ERGIC2: variants seen among roughly 807,000 people sequenced by gnomAD.
ERGIC2 encodes endoplasmic reticulum-Golgi intermediate compartment protein 2.
A neutral mutation model predicts 52.5 loss-of-function variants in ERGIC2; 31 were observed. The ratio of observed to expected loss-of-function variants is 0.59; its 90% CI spans 0.44 to 0.80. The LOEUF (loss-of-function observed/expected upper bound fraction) is 0.80, where lower values mean the gene tolerates loss of function less well. Among genes scored for constraint, ERGIC2 ranks in the 30% least tolerant of loss-of-function variants. The probability of loss-of-function intolerance (pLI) is 0.00; values close to 1 mark genes in which losing one functional copy is unlikely to be tolerated. For missense variants in ERGIC2, 395 were observed against 455.2 expected (o/e 0.87, Z 1.20); for synonymous variants, 129 against 140.6 (o/e 0.92, Z 0.58).
intron 12 of ERGIC2, among the ~76,000 whole-genome samples, chr12:29,342,692 T>C (rs1166614379): frequency 1.3e-5 from 2 of 152,234 alleles, no homozygotes; most frequent in East Asian, 1.9e-4. Context: ...TGATTTTACA[T>C]ACTGTACAGT....
At chr12:29,363,821 C>A (rs1419657229) in intron 5 of ERGIC2, among the ~76,000 whole-genome samples, 7 of 134,770 alleles carry the variant, frequency 5.2e-5, no homozygotes, top group Non-Finnish European at 8.0e-5. Flanking sequence ...TAGCATCAGG[C>A]ATCTCATAAA....
At chr12:29,379,553 T>C (rs1940558598) in intron 1 of ERGIC2, among the ~76,000 whole-genome samples, 1 of 152,170 alleles carries the variant, frequency 6.6e-6, no homozygotes, top group African/African-American at 2.4e-5. Context: ...GCAACATTTG[T>C]AACTACAGAT....
At chr12:29,377,303 C>T (rs1940528004) in intron 1 of ERGIC2, among the ~76,000 whole-genome samples, 1 of 152,112 alleles carries the variant, frequency 6.6e-6, no homozygotes, top group African/African-American at 2.4e-5. Context: ...GGAGCTAAGA[C>T]AAGACAGTTG....
intron 7 of ERGIC2, 70 bp from the exon 8 acceptor site, chr12:29,356,547 T>C (rs1018012234): frequency 4.9e-5 from 38 of 781,918 alleles, no homozygotes; most frequent in Non-Finnish European, 7.4e-5. Flanking sequence ...GAAAAATGTG[T>C]ATAGAAAAAA....
At chr12:29,368,720 A>G (rs1019211632) in intron 3 of ERGIC2, among the ~76,000 whole-genome samples, 1 of 151,938 alleles carries the variant, frequency 6.6e-6, no homozygotes, top group Non-Finnish European at 1.5e-5. Context: ...TACAAATATT[A>G]TCTCCTTTAT....
chr12:29,370,864 TA>T (rs1940431450), intron 2 of ERGIC2, among the ~76,000 whole-genome samples: 1 of 152,040 alleles, frequency 6.6e-6, no homozygotes, highest in Non-Finnish European at 1.5e-5. Flanking sequence ...GAAAATCTAT[TA>T]TATACTAAAG....
At position 29,368,307 on chromosome 12, in the gene ERGIC2, A is replaced by C; in HGVS notation, c.216-20T>G. 7.9e-7 allele frequency: 1 copy of C among 1,270,596 alleles called. No individual in the cohort carries two copies. The highest frequency in any genetic ancestry group is 1.5e-5 in the African/African-American group (1 of 67,710). 78.7% of individuals were successfully genotyped at this position (1,270,596 alleles called of 1,614,324 possible). ...AATTTGCTGAAAGACAAAATATTAA[A>C]CATTAGTACCTACCAATTAATTAGC... On this transcript the variant is annotated intron_variant, in intron 3 of 13. Transcript: ENST00000360150.
rs747056885 is a variant in ERGIC2, at chr12:29,381,169, G to T, written c.-92C>A. On this transcript the variant is annotated 5_prime_UTR_variant, in exon 1 of 14. Coordinates refer to ENST00000360150, the MANE Select transcript of ERGIC2 (RefSeq NM_016570.3). ...GTTTCACAGAAGCCCGGGTCGCCGG[G>T]GCTCCCGCGTACCCGGAAATATCGC... is the stretch of plus-strand genomic sequence containing the variant. The T allele has an allele frequency of 1.3e-5, 2 of 152,358 alleles. No homozygotes were observed. The highest frequency in any genetic ancestry group is 3.4e-3 in the Middle Eastern group (1 of 294). 9.4% of individuals were successfully genotyped at this position (152,358 alleles called of 1,614,324 possible).
Position 29,359,600 on chromosome 12 carries a change from T to G in ERGIC2, c.375-1876A>C, listed in dbSNP as rs1940255796. 2.0e-5 allele frequency among the ~76,000 whole-genome samples: 3 copies of G among 152,090 alleles called. No individual in the cohort carries two copies. The South Asian group carries it at 6.2e-4, about 31-fold the overall frequency. Reference sequence around the variant, plus strand: ...AATGAAAGGAGAAATCTCACTTTAATGTTTCTGGATCAAAGTAAAGTATTT... The same window carrying G: ...AATGAAAGGAGAAATCTCACTTTAAGGTTTCTGGATCAAAGTAAAGTATTT... On this transcript the variant is annotated intron_variant, in intron 6 of 13. Transcript: ENST00000360150.
rs2136879089 is a variant in ERGIC2, at chr12:29,371,566, G to A, written c.68C>T (p.Pro23Leu). The A allele has an allele frequency of 2.5e-6, 4 of 1,613,380 alleles. No homozygotes were observed. The highest frequency in any genetic ancestry group is 2.2e-5 in the East Asian group (1 of 44,850). The change falls in exon 2 of 14, where the codon CCT (proline) becomes CTT (leucine). Residue 23 changes from proline to leucine, a missense_variant. Physicochemically the swap from Pro to Leu is moderately conservative, Grantham distance 98. Transcript: ENST00000360150. ...VKELDAFPKV[P>L]ESYVETSASG... Reference sequence around the variant, plus strand: ...GGCTGAAGTCTCTACATAGCTCTCAGGAACCTTCGGAAAGGCATCCAACTC... The same window carrying A: ...GGCTGAAGTCTCTACATAGCTCTCAAGAACCTTCGGAAAGGCATCCAACTC...
At chr12:29,351,864 T>C (rs1269684301) in intron 8 of ERGIC2, among the ~76,000 whole-genome samples, 2 of 152,180 alleles carry the variant, frequency 1.3e-5, no homozygotes, top group Non-Finnish European at 2.9e-5. Flanking sequence ...TTTCTGATCA[T>C]TGCTTTTTTA....
rs180712834 is a variant in ERGIC2, at chr12:29,359,834, C to T, written c.374+1811G>A. Among the ~76,000 whole-genome samples the T allele has an allele frequency of 1.3e-3, 202 of 151,914 alleles. 1 individual carries two copies. The highest frequency in any genetic ancestry group is 1.3e-3 in the Non-Finnish European group (88 of 67,912). On this transcript the variant is annotated intron_variant, in intron 6 of 13. Coordinates refer to ENST00000360150, the MANE Select transcript of ERGIC2 (RefSeq NM_016570.3). ...ATATAAAGCCTTTATAAGTGCAAGA[C>T]ATAACCTAGAAAATAAAAAGCAATA...
intron 6 of ERGIC2, among the ~76,000 whole-genome samples, chr12:29,360,890 T>A (rs1940275541): frequency 6.6e-6 from 1 of 151,614 alleles, no homozygotes; most frequent in Non-Finnish European, 1.5e-5. Flanking sequence ...ACACACTAAC[T>A]ATAGCTGATC....
intron 5 of ERGIC2, among the ~76,000 whole-genome samples, chr12:29,365,858 T>A (rs1240157986): frequency 6.6e-6 from 1 of 151,922 alleles, no homozygotes; most frequent in Admixed American, 6.6e-5. Context: ...AAATCGATTT[T>A]TTGAGTGGGA....
chr12:29,367,998 C>T (rs547567792), intron 4 of ERGIC2, among the ~76,000 whole-genome samples: 1 of 151,920 alleles, frequency 6.6e-6, no homozygotes, highest in East Asian at 1.9e-4. Context: ...GATTCACAAA[C>T]ATTTCCTCCA....
At chr12:29,379,179 T>C (rs1332444451) in intron 1 of ERGIC2, among the ~76,000 whole-genome samples, 2 of 152,136 alleles carry the variant, frequency 1.3e-5, no homozygotes, top group Admixed American at 6.5e-5. Flanking sequence ...AACTAGACTA[T>C]AGTAGCTCTC....
rs1441599850 is a variant in ERGIC2, at chr12:29,343,238, C to T, written c.870G>A (p.Gly290=). The T allele has an allele frequency of 1.2e-6, 2 of 1,609,930 alleles. No individual in the cohort carries two copies. Among genetic ancestry groups the T allele is most frequent in the Admixed American group, 3.3e-5 (2 of 59,776 alleles). ...AACTGAGATCATATTTCATAAATAT[C>T]CCAGAGACTCCATGGCTGCCTGCAG... ...NHAAGSHGVS[G]IFMKYDLSSL... Residue 290 remains glycine, a synonymous_variant, in exon 12 of 14, where the codon GGG becomes GGA. Coordinates refer to ENST00000360150, the MANE Select transcript of ERGIC2 (RefSeq NM_016570.3).
intron 10 of ERGIC2, among the ~76,000 whole-genome samples, chr12:29,346,749 C>T (rs536307609): frequency 8.5e-5 from 13 of 152,214 alleles, no homozygotes; most frequent in Admixed American, 8.5e-4. Flanking sequence ...AAGTTTGACA[C>T]AAGTTTTAAA....
rs1222862250 is a variant in ERGIC2 at position 29,340,051 on chromosome 12, T to C, written c.*1105A>G. ...AATGTGAAGATTTAGAACCAATCCT[T>C]AAATAGTAAGAAAGTTAGAACACAA... On this transcript the variant is annotated 3_prime_UTR_variant, in exon 14 of 14. Transcript: ENST00000360150. The C allele has an allele frequency of 6.6e-5, 10 of 152,156 alleles. No individual in the cohort carries two copies. The highest frequency in any genetic ancestry group is 6.5e-4 in the Admixed American group (10 of 15,272). The allele number at this position is 152,156 out of a possible 1,614,324, so 9.4% of individuals were successfully genotyped here. A position where few individuals can be genotyped will look rare whatever the true frequency, so the allele number is the denominator to read the frequency against.
Sources: allele counts gnomAD v4.1 joint callset (sites outside exome capture counted in the v4.1 genomes callset), GRCh38; gene constraint gnomAD v4.1.1; transcripts MANE v1.5; gene names NCBI Gene and HGNC (gene_info 2026-07-23, HGNC 2026-07-21).